Variants in RBM26 observed in about 807,000 individuals in gnomAD.
RBM26 encodes the protein RNA-binding protein 26.
A neutral mutation model predicts 123.6 loss-of-function variants in RBM26; 30 were observed. The ratio of observed to expected loss-of-function variants is 0.24; its 90% confidence interval spans 0.18 to 0.33. RBM26 has a LOEUF of 0.33. Among genes scored for constraint, RBM26 ranks in the 10% least tolerant of loss-of-function variants. The pLI, the probability that RBM26 is intolerant of heterozygous loss-of-function variation, is 1.00. For synonymous variants in RBM26, 400 were observed against 404.4 expected (o/e 0.99, Z 0.13); for missense variants, 947 against 1,203.6 (o/e 0.79, Z 3.15).
downstream of RBM26, chr13:79,314,184 A>G (rs2066983056): frequency 6.6e-6 from 1 of 151,796 alleles, no homozygotes; most frequent in African/African-American, 2.4e-5. Context: ...ACTTCTTAAA[A>G]TGGTTAAAAA....
intron 1 of RBM26, among the ~76,000 whole-genome samples, chr13:79,405,195 G>A (rs770382038): frequency 6.6e-5 from 10 of 152,148 alleles, no homozygotes; most frequent in African/African-American, 1.2e-4. Context: ...AATTTTACTG[G>A]CCACCTCAGC....
intron 4 of RBM26, 116 bp from the exon 5 acceptor site, chr13:79,371,278 A>G (rs1021933169): frequency 2.5e-6 from 2 of 806,098 alleles, no homozygotes; most frequent in Non-Finnish European, 3.8e-6. Flanking sequence ...TCCTACCATC[A>G]GACAACTGAA....
At chr13:79,358,738 T>G (rs1370712783) in intron 10 of RBM26, among the ~76,000 whole-genome samples, 1 of 152,198 alleles carries the variant, frequency 6.6e-6, no homozygotes, top group Non-Finnish European at 1.5e-5. Flanking sequence ...TTTTAGTCAA[T>G]TTGCATATAT....
rs1178053580 is a variant in RBM26, at chr13:79,354,460, A to G, written c.1965T>C (p.Ser655=). 6.3e-7 allele frequency: 1 copy of G among 1,595,564 alleles called. No individual in the cohort carries two copies. Among genetic ancestry groups the G allele is most frequent in the East Asian group, 2.2e-5 (1 of 44,616 alleles). ...SSTIEPAEAQ[S]ASSDLPQNVT... is the part of the protein sequence containing the mutation. ...TTACCTGAGGAAGGTCTGAAGAGGC[A>G]CTCTGGGCTTCTGCAGGTTCAATAG... Residue 655 remains serine (S), a synonymous_variant, in exon 13 of 22, where the codon AGT becomes AGC. Coordinates refer to ENST00000438737, the MANE Select transcript of RBM26 (RefSeq NM_001366735.2).
intron 3 of RBM26, chr13:79,376,647 G>A (rs1371966151): frequency 6.6e-6 from 1 of 152,130 alleles, no homozygotes; most frequent in Non-Finnish European, 1.5e-5. Context: ...GTCTTGTGAA[G>A]GTCCTTGTGT....
At chr13:79,354,110 A>T (rs183266552) in intron 13 of RBM26, among the ~76,000 whole-genome samples, 17 of 152,270 alleles carry the variant, frequency 1.1e-4, no homozygotes, top group East Asian at 7.7e-4. Flanking sequence ...GATGGAAAAA[A>T]TAAGATTTAA....
chr13:79,400,385 A>G (rs2078961903), intron 1 of RBM26, among the ~76,000 whole-genome samples: 1 of 151,788 alleles, frequency 6.6e-6, no homozygotes, highest in Non-Finnish European at 1.5e-5. Context: ...AGTTCCTCCC[A>G]TGGCAGAAGT....
chr13:79,355,193 G>T, intron 12 of RBM26, 27 bp downstream of exon 12: 1 of 1,606,152 alleles, frequency 6.2e-7, no homozygotes. Flanking sequence ...AGAAATGCGC[G>T]TACTTTTACA....
chr13:79,375,096 T>TTATATATCATATAAATATATA (rs1555332782), intron 3 of RBM26, among the ~76,000 whole-genome samples: 2 of 95,294 alleles, frequency 2.1e-5, no homozygotes, highest in South Asian at 2.9e-4. Flanking sequence ...AAATATATAT[T>TTATATATCATATAAATATATA]TATATATATC....
intron 19 of RBM26, among the ~76,000 whole-genome samples, chr13:79,335,210 C>T (rs2070145670): frequency 6.6e-6 from 1 of 151,974 alleles, no homozygotes; most frequent in African/African-American, 2.4e-5. Flanking sequence ...CTGTAGAGCA[C>T]AGTAAAGAGA....
At chr13:79,372,362 T>TA (rs2075987096) in intron 3 of RBM26, among the ~76,000 whole-genome samples, 1 of 152,132 alleles carries the variant, frequency 6.6e-6, no homozygotes, top group Admixed American at 6.5e-5. Flanking sequence ...TAATTAACAT[T>TA]AAATAAAATT....
At chr13:79,334,871 C>A (rs1186953750) in intron 19 of RBM26, among the ~76,000 whole-genome samples, 1 of 152,016 alleles carries the variant, frequency 6.6e-6, no homozygotes, top group Non-Finnish European at 1.5e-5. Flanking sequence ...AAGTAACTTC[C>A]CCAAAGTTAA....
chr13:79,397,971 CTAAG>C (rs2078740622), intron 1 of RBM26, among the ~76,000 whole-genome samples: 1 of 152,116 alleles, frequency 6.6e-6, no homozygotes, highest in Admixed American at 6.6e-5. Flanking sequence ...AGAAGAATCA[CTAAG>C]TAACAGATCT....
At chr13:79,402,783 C>G (rs530945379) in intron 1 of RBM26, among the ~76,000 whole-genome samples, 1 of 152,250 alleles carries the variant, frequency 6.6e-6, no homozygotes, top group South Asian at 2.1e-4. Context: ...GGAAGTGTTT[C>G]CTGATGTTCC....
intron 21 of RBM26, 111 bp from the exon 22 acceptor site, chr13:79,320,821 T>C (rs2067582267): frequency 2.5e-6 from 3 of 1,181,508 alleles, no homozygotes; most frequent in Non-Finnish European, 3.4e-6. Flanking sequence ...ATACAAAAGG[T>C]ATTTTTATAG....
chr13:79,353,009 A>T (rs1442165144), intron 14 of RBM26, 144 bp downstream of exon 14: 7 of 434,386 alleles, frequency 1.6e-5, no homozygotes, highest in African/African-American at 1.6e-4. Context: ...TTTCTTTTTC[A>T]GCAAATGGAA....
chr13:79,352,080 G>A (rs998789364), intron 14 of RBM26, among the ~76,000 whole-genome samples: 2 of 152,084 alleles, frequency 1.3e-5, no homozygotes, highest in Non-Finnish European at 2.9e-5. Context: ...CATTATGCCC[G>A]AAGTAATGCT....
chr13:79,401,435 A>G (rs1297919963), intron 1 of RBM26, among the ~76,000 whole-genome samples: 2 of 152,202 alleles, frequency 1.3e-5, no homozygotes, highest in African/African-American at 2.4e-5. Context: ...AGAGTCAAAA[A>G]GCCTTAGTTT....
chr13:79,360,085 AAGAC>A (rs2074495761), intron 9 of RBM26, among the ~76,000 whole-genome samples: 1 of 152,128 alleles, frequency 6.6e-6, no homozygotes, highest in Non-Finnish European at 1.5e-5. Flanking sequence ...TTGACAGAGA[AAGAC>A]AGGGACCATT....
Sources: gnomAD v4.1 joint callset for allele counts (sites outside exome capture counted in the v4.1 genomes callset) on GRCh38, gnomAD v4.1.1 for gene constraint, MANE v1.5 for transcripts, NCBI Gene and HGNC (gene_info 2026-07-23, HGNC 2026-07-21) for gene names.